Variants in SGCD observed in about 807,000 individuals in gnomAD.
SGCD encodes sarcoglycan delta.
Under a neutral mutation model 36.6 loss-of-function variants are expected in SGCD, and 18 were observed. The ratio of observed to expected loss-of-function variants is 0.49; its 90% CI spans 0.34 to 0.73. The LOEUF is 0.73. Among genes scored for constraint, SGCD ranks in the 30% least tolerant of loss-of-function variants. SGCD has a pLI of 0.01. For missense variants in SGCD, 387 were observed against 346.7 expected (o/e 1.12, Z -0.92); for synonymous variants, 133 against 130.6 (o/e 1.02, Z -0.12).
intron 1 of SGCD, among the ~76,000 whole-genome samples, chr5:156,107,894 G>A (rs1761685872): frequency 6.6e-6 from 1 of 152,116 alleles, no homozygotes; most frequent in Non-Finnish European, 1.5e-5. Flanking sequence ...TTACAAACAA[G>A]AATAGTGAAG....
At chr5:156,190,512 G>A (rs1035629557) in intron 3 of SGCD, among the ~76,000 whole-genome samples, 1 of 151,948 alleles carries the variant, frequency 6.6e-6, no homozygotes, top group Non-Finnish European at 1.5e-5. Flanking sequence ...TCTACTTAGG[G>A]TAAATGAAAA....
intron 2 of SGCD, among the ~76,000 whole-genome samples, chr5:156,119,944 C>T (rs1761994795): frequency 6.6e-6 from 1 of 152,182 alleles, no homozygotes; most frequent in Non-Finnish European, 1.5e-5. Context: ...GCAGAGATGC[C>T]ACCTACCTCT....
intron 3 of SGCD, among the ~76,000 whole-genome samples, chr5:156,182,997 A>G (rs1256370884): frequency 6.6e-6 from 1 of 152,116 alleles, no homozygotes; most frequent in Non-Finnish European, 1.5e-5. Context: ...TAATTATTAT[A>G]GGCCAGGCAT....
In SGCD at chr5:156,421,401, G is replaced by A. The variant is rs7735732; in HGVS notation, c.192+76724G>A. On this transcript the variant is annotated intron_variant, in intron 3 of 8. Coordinates refer to ENST00000337851, the MANE Select transcript of SGCD (RefSeq NM_000337.6). ...ACTCTGTGACTTTGGATAAATTGCC[G>A]ATCTCATATTAGTATTGGTTTCTTC... Among the ~76,000 whole-genome samples the A allele has an allele frequency of 3.1e-3, 478 of 152,136 alleles. 3 individuals carry two copies. The highest frequency in any genetic ancestry group is 0.011 in the African/African-American group (447 of 41,526).
At chr5:156,498,042 T>C (rs1756273200) in intron 3 of SGCD, among the ~76,000 whole-genome samples, 1 of 152,176 alleles carries the variant, frequency 6.6e-6, no homozygotes, top group African/African-American at 2.4e-5. Context: ...AGTTGGACTT[T>C]AATGGAAACA....
At chr5:156,069,196 C>A (rs577331899) in intron 1 of SGCD, among the ~76,000 whole-genome samples, 19 of 152,170 alleles carry the variant, frequency 1.2e-4, no homozygotes, top group African/African-American at 4.1e-4. Flanking sequence ...AAAGTCCTTG[C>A]CCATGCCTAT....
intron 1 of SGCD, among the ~76,000 whole-genome samples, chr5:155,926,890 T>A (rs546732544): frequency 1.3e-4 from 20 of 152,198 alleles, no homozygotes; most frequent in Non-Finnish European, 2.6e-4. Context: ...AGTTCTTAAC[T>A]AGGGATGATT....
the SGCD span, among the ~76,000 whole-genome samples, chr5:155,825,975 C>G: frequency 7.9e-5 from 12 of 152,284 alleles, no homozygotes; most frequent in Admixed American, 7.2e-4. Flanking sequence ...GTCTCGAACT[C>G]CTGACATCAA....
intron 3 of SGCD, among the ~76,000 whole-genome samples, chr5:156,394,218 A>T (rs1771734776): frequency 6.6e-6 from 1 of 152,200 alleles, no homozygotes; most frequent in Non-Finnish European, 1.5e-5. Context: ...AAGTGGCAGT[A>T]GTGGATGACG....
chr5:156,642,774 C>A (rs1318173987), intron 6 of SGCD, among the ~76,000 whole-genome samples: 3 of 151,518 alleles, frequency 2.0e-5, no homozygotes, highest in Non-Finnish European at 4.4e-5. Context: ...GCCCAGTCTT[C>A]TTTATTAATG....
chr5:156,384,421 A>G (rs1467203534), intron 3 of SGCD, among the ~76,000 whole-genome samples: 1 of 151,920 alleles, frequency 6.6e-6, no homozygotes, highest in Non-Finnish European at 1.5e-5. Context: ...TTGTTCTGTA[A>G]TGTGATTTCT....
intron 3 of SGCD, among the ~76,000 whole-genome samples, chr5:156,295,621 A>T (rs1368819101): frequency 6.6e-6 from 1 of 152,144 alleles, no homozygotes; most frequent in Non-Finnish European, 1.5e-5. Context: ...ACTGGCAGGG[A>T]TCCAGGGGAT....
intron 1 of SGCD, among the ~76,000 whole-genome samples, chr5:155,878,176 C>A (rs1035726190): frequency 1.4e-4 from 21 of 151,932 alleles, no homozygotes; most frequent in East Asian, 1.9e-4. Context: ...ACAACAACAA[C>A]AAAAAAGTGA....
chr5:155,823,426 A>G, the SGCD span, among the ~76,000 whole-genome samples: 2 of 152,076 alleles, frequency 1.3e-5, no homozygotes, highest in African/African-American at 2.4e-5. Flanking sequence ...AATCAACTAT[A>G]CTGACTCTAC....
intron 3 of SGCD, among the ~76,000 whole-genome samples, chr5:156,195,064 C>G (rs4704990): frequency 4.6e-5 from 7 of 152,192 alleles, no homozygotes; most frequent in African/African-American, 1.7e-4. Context: ...ATTGTCAAAT[C>G]TTTATGTTCT....
At chr5:155,772,176 G>T in the SGCD span, among the ~76,000 whole-genome samples, 12 of 152,220 alleles carry the variant, frequency 7.9e-5, no homozygotes, top group African/African-American at 2.6e-4. Context: ...GTTTGCACCA[G>T]TGGATAAATG....
At chr5:156,687,877 C>G (rs946602272) in intron 7 of SGCD, among the ~76,000 whole-genome samples, 2 of 152,114 alleles carry the variant, frequency 1.3e-5, no homozygotes, top group African/African-American at 4.8e-5. Flanking sequence ...AGCCTAATTC[C>G]CAGGTATGCA....
In SGCD at chr5:156,305,133, A is replaced by T. The variant is rs190789908; in HGVS notation, c.-43-24401A>T. Among the ~76,000 whole-genome samples the T allele has an allele frequency of 1.5e-3, 233 of 152,346 alleles. 1 individual carries two copies. The highest frequency in any genetic ancestry group is 5.2e-3 in the African/African-American group (218 of 41,582). ...TCAAGCCAGCTGCAGAAATTTGCTTAAGTAATGAGGAGCCAAATGTTAATC... is the reference window on the plus strand; with the variant it reads ...TCAAGCCAGCTGCAGAAATTTGCTTTAGTAATGAGGAGCCAAATGTTAATC... On this transcript the variant is annotated intron_variant, in intron 3 of 9. Coordinates refer to the SGCD transcript ENST00000517913.
chr5:156,679,527 C>T (rs1462719174), intron 7 of SGCD, among the ~76,000 whole-genome samples: 3 of 152,168 alleles, frequency 2.0e-5, no homozygotes, highest in Admixed American at 2.0e-4. Flanking sequence ...CCTGGAAGAG[C>T]ATCTCCCCAT....
Sources: gnomAD v4.1 joint callset for allele counts (sites outside exome capture counted in the v4.1 genomes callset) on GRCh38, gnomAD v4.1.1 for gene constraint, MANE v1.5 for transcripts, NCBI Gene and HGNC (gene_info 2026-07-23, HGNC 2026-07-21) for gene names.